The following WWOX variants were observed in gnomAD, a reference collection of about 807,000 sequenced individuals.
The protein encoded by WWOX is WW domain containing oxidoreductase.
In WWOX, 69 loss-of-function variants were observed where a neutral mutation model predicts 46.2. That is an observed-to-expected ratio of 1.49 (90% CI 1.23 to 1.82). WWOX has a LOEUF of 1.82. Among genes scored for constraint, WWOX ranks in the 40% most tolerant of loss-of-function variants. The probability of loss-of-function intolerance (pLI) is 0.00; values close to 1 mark genes in which losing one functional copy is unlikely to be tolerated. For synonymous variants in WWOX, 359 were observed against 202.6 expected (o/e 1.77, Z -6.56); for missense variants, 919 against 542.6 (o/e 1.69, Z -6.89).
intron 5 of WWOX, among the ~76,000 whole-genome samples, chr16:78,299,703 A>G (rs1230496017): frequency 6.6e-6 from 1 of 151,548 alleles, no homozygotes; most frequent in Non-Finnish European, 1.5e-5. Context: ...AATTTTTTGT[A>G]TATTTAGTAG....
At chr16:78,407,779 T>C (rs1238426742) in intron 6 of WWOX, among the ~76,000 whole-genome samples, 2 of 152,196 alleles carry the variant, frequency 1.3e-5, no homozygotes, top group Non-Finnish European at 2.9e-5. Flanking sequence ...AAAATAGCAT[T>C]GATTCAAACG....
At chr16:78,834,311 G>A (rs1028923778) in intron 8 of WWOX, among the ~76,000 whole-genome samples, 1 of 152,306 alleles carries the variant, frequency 6.6e-6, no homozygotes, top group South Asian at 2.1e-4. Context: ...TGAGTCTGCA[G>A]AATATTTAAA....
At chr16:78,231,947 T>G (rs1301309911) in intron 5 of WWOX, among the ~76,000 whole-genome samples, 1 of 152,176 alleles carries the variant, frequency 6.6e-6, no homozygotes, top group Admixed American at 6.5e-5. Context: ...ATTTAATCAT[T>G]CAGTAAGTCT....
intron 8 of WWOX, among the ~76,000 whole-genome samples, chr16:79,150,283 A>C (rs931457731): frequency 6.6e-6 from 1 of 152,234 alleles, no homozygotes; most frequent in Non-Finnish European, 1.5e-5. Flanking sequence ...TTTCCAGTTG[A>C]GGATAATTCA....
chr16:78,863,689 T>C (rs2737289), intron 8 of WWOX, among the ~76,000 whole-genome samples: 52,049 of 152,078 alleles, frequency 0.34, 8,976 homozygotes, highest in Middle Eastern at 0.47. Flanking sequence ...CAGCAAGTGC[T>C]CAGTGGGTAT....
chr16:78,874,579 T>A (rs937695374), intron 8 of WWOX, among the ~76,000 whole-genome samples: 1 of 151,734 alleles, frequency 6.6e-6, no homozygotes, highest in Non-Finnish European at 1.5e-5. Context: ...CTGGATGGTC[T>A]CCACTACAGA....
intron 8 of WWOX, among the ~76,000 whole-genome samples, chr16:78,980,746 A>T (rs904776308): frequency 6.6e-6 from 1 of 152,096 alleles, no homozygotes; most frequent in Admixed American, 6.5e-5. Context: ...TTTAGCTACT[A>T]CCTTTCTTAC....
chr16:78,605,233 A>G (rs1275689930), intron 8 of WWOX, among the ~76,000 whole-genome samples: 2 of 151,120 alleles, frequency 1.3e-5, no homozygotes, highest in Non-Finnish European at 2.9e-5. Flanking sequence ...TTGTTTCCCC[A>G]TAATTTTTTC....
At chr16:78,398,262 A>T (rs750647818) in intron 6 of WWOX, among the ~76,000 whole-genome samples, 4 of 151,946 alleles carry the variant, frequency 2.6e-5, no homozygotes, top group Non-Finnish European at 5.9e-5. Flanking sequence ...CTGGGATCTG[A>T]TCCCTTCTCC....
rs143671799 is a variant in WWOX at position 78,117,167 on chromosome 16, A to C, written c.409+2013A>C. 1.1e-4 allele frequency among the ~76,000 whole-genome samples: 17 copies of C among 152,254 alleles called. No individual in the cohort carries two copies. In the East Asian group the frequency reaches 2.5e-3, roughly 22 times the overall value. ...TCTTCACAGCTCCCACTTCCCCCTA[A>C]GACTCTTCCTTCCTGATACCTATAA... is the stretch of plus-strand genomic sequence containing the variant. On this transcript the variant is annotated intron_variant, in intron 4 of 8. Transcript: ENST00000566780.
chr16:78,591,756 T>C (rs1449643283), intron 8 of WWOX, among the ~76,000 whole-genome samples: 1 of 152,186 alleles, frequency 6.6e-6, no homozygotes, highest in African/African-American at 2.4e-5. Context: ...AGGTGGAGGC[T>C]GGACTGCTTC....
At chr16:78,129,802 G>A (rs2033515625) in intron 4 of WWOX, among the ~76,000 whole-genome samples, 1 of 151,888 alleles carries the variant, frequency 6.6e-6, no homozygotes, top group African/African-American at 2.4e-5. Flanking sequence ...ATCAGAATGA[G>A]TATTGTAGAC....
chr16:79,045,785 T>TC (rs2048054451), intron 8 of WWOX, among the ~76,000 whole-genome samples: 1 of 34,058 alleles, frequency 2.9e-5, no homozygotes, highest in Non-Finnish European at 4.8e-5. Flanking sequence ...TTTTCCTTTT[T>TC]TTTTTTTTTT....
chr16:78,539,920 A>G (rs997479030), intron 8 of WWOX, among the ~76,000 whole-genome samples: 2 of 151,984 alleles, frequency 1.3e-5, no homozygotes, highest in Non-Finnish European at 2.9e-5. Flanking sequence ...TTATAAAACC[A>G]CACTTACATT....
chr16:79,012,555 A>T (rs995346158), intron 8 of WWOX, among the ~76,000 whole-genome samples: 1 of 152,152 alleles, frequency 6.6e-6, no homozygotes, highest in African/African-American at 2.4e-5. Flanking sequence ...TTTTAATTTG[A>T]TATCATTGTG....
intron 8 of WWOX, among the ~76,000 whole-genome samples, chr16:79,087,880 A>G (rs1470435962): frequency 6.6e-6 from 1 of 152,142 alleles, no homozygotes; most frequent in Non-Finnish European, 1.5e-5. Flanking sequence ...CTCGGAAAGG[A>G]CAGGATGTGG....
intron 5 of WWOX, among the ~76,000 whole-genome samples, chr16:78,333,237 A>G (rs1469310168): frequency 1.3e-5 from 2 of 150,830 alleles, no homozygotes; most frequent in Non-Finnish European, 3.0e-5. Flanking sequence ...TTTGGTAGAG[A>G]CGGCGTTTCA....
Position 79,014,098 on chromosome 16 carries a change from G to A in WWOX, c.1057-197510G>A, listed in dbSNP as rs2656657. Reference sequence around the variant, plus strand: ...CAATCGTCTGCATTTCGTCGCTTTAGCCCGAGCTGGGTCTTTGAGCTGGCA... The same window carrying A: ...CAATCGTCTGCATTTCGTCGCTTTAACCCGAGCTGGGTCTTTGAGCTGGCA... On this transcript the variant is annotated intron_variant, in intron 8 of 8. Transcript: ENST00000566780. 7.9e-3 allele frequency among the ~76,000 whole-genome samples: 1,196 copies of A among 152,300 alleles called. 15 individuals are homozygous for A. The highest frequency in any genetic ancestry group is 0.027 in the African/African-American group (1,128 of 41,576).
intron 5 of WWOX, among the ~76,000 whole-genome samples, chr16:78,164,877 G>C (rs2034920610): frequency 1.3e-5 from 2 of 152,184 alleles, no homozygotes; most frequent in South Asian, 4.1e-4. Context: ...AGAGGAAGGT[G>C]GGGGGAATGA....
Sources: gnomAD v4.1 joint callset for allele counts (sites outside exome capture counted in the v4.1 genomes callset) on GRCh38, gnomAD v4.1.1 for gene constraint, MANE v1.5 for transcripts, NCBI Gene and HGNC (gene_info 2026-07-23, HGNC 2026-07-21) for gene names.